The following NECTIN3 variants were observed in gnomAD, a reference collection of about 807,000 sequenced individuals.
The protein encoded by NECTIN3 is nectin-3.
In NECTIN3, 8 loss-of-function variants were observed where a neutral mutation model predicts 49.4. That is an observed-to-expected ratio of 0.16 (90% confidence interval 0.10 to 0.29). The LOEUF (loss-of-function observed/expected upper bound fraction) is 0.29, where lower values mean the gene tolerates loss of function less well. Ranked by LOEUF, NECTIN3 falls within the 10% of genes least tolerant of loss-of-function variation. The pLI, the probability that NECTIN3 is intolerant of heterozygous loss-of-function variation, is 1.00. For synonymous variants in NECTIN3, 277 were observed against 241.1 expected, an observed-to-expected ratio of 1.15 and a Z score of -1.38; for missense variants, 581 against 654.6, an observed-to-expected ratio of 0.89 and a Z score of 1.23.
chr3:111,145,847 G>A (rs1231913502), intron 6 of NECTIN3, among the ~76,000 whole-genome samples: 6 of 152,128 alleles, frequency 3.9e-5, no homozygotes, highest in East Asian at 3.8e-4. Context: ...CTTCATAAAT[G>A]CTTTGTATAT....
At chr3:111,092,009 G>C (rs1328134768) in intron 1 of NECTIN3, among the ~76,000 whole-genome samples, 1 of 152,140 alleles carries the variant, frequency 6.6e-6, no homozygotes, top group Non-Finnish European at 1.5e-5. Context: ...GTGGTGTATG[G>C]TTGTTTTAAT....
At chr3:111,146,183 C>G (rs1372133354) in intron 6 of NECTIN3, among the ~76,000 whole-genome samples, 1 of 152,046 alleles carries the variant, frequency 6.6e-6, no homozygotes, top group Non-Finnish European at 1.5e-5. Context: ...GCCTGTAATC[C>G]CAGCACTTTG....
intron 7 of NECTIN3, among the ~76,000 whole-genome samples, chr3:111,171,654 A>T (rs1484460800): frequency 6.6e-6 from 1 of 152,108 alleles, no homozygotes; most frequent in African/African-American, 2.4e-5. Context: ...TGACATTTGA[A>T]ACCTATTTAT....
rs1486687996 is a variant in NECTIN3 at position 111,118,613 on chromosome 3, T to C, written c.503-43T>C. 8 of 1,445,380 alleles carry C rather than the reference T, an allele frequency of 5.5e-6. No homozygotes were observed. The East Asian group carries it at 1.2e-4, about 22-fold the overall frequency. The allele number at this position is 1,445,380 out of a possible 1,614,324, so 89.5% of individuals were successfully genotyped here. On this transcript the variant is annotated intron_variant, in intron 2 of 5. Coordinates refer to ENST00000485303, the MANE Select transcript of NECTIN3 (RefSeq NM_015480.3). ...GTGACTTGGAAAGATATAAACATAT[T>C]CTTGTTTGAATGTAACTAATTATTA... is the stretch of plus-strand genomic sequence containing the variant.
chr3:111,155,648 T>C (rs1383432107), intron 7 of NECTIN3, among the ~76,000 whole-genome samples: 4 of 152,240 alleles, frequency 2.6e-5, no homozygotes, highest in African/African-American at 9.6e-5. Context: ...ATCAATCTAA[T>C]TTAACTTTGA....
chr3:111,190,738 G>A (rs915901140), upstream of NECTIN3, among the ~76,000 whole-genome samples: 6 of 152,146 alleles, frequency 3.9e-5, no homozygotes, highest in Non-Finnish European at 1.5e-5. Flanking sequence ...ATTGCAATTA[G>A]GTTTCAACAT....
intron 5 of NECTIN3, chr3:111,144,782 A>G: frequency 1.7e-6 from 2 of 1,203,232 alleles, no homozygotes; most frequent in South Asian, 3.3e-5. Context: ...GGGTCCTCTA[A>G]CCTGGCTCTT....
At chr3:111,102,044 C>A (rs1330593781) in intron 1 of NECTIN3, among the ~76,000 whole-genome samples, 1 of 152,086 alleles carries the variant, frequency 6.6e-6, no homozygotes, top group African/African-American at 2.4e-5. Flanking sequence ...GATACTGTCC[C>A]TTATAATTTA....
chr3:111,161,992 C>T (rs767129966), intron 7 of NECTIN3, among the ~76,000 whole-genome samples: 2 of 152,144 alleles, frequency 1.3e-5, no homozygotes, highest in African/African-American at 2.4e-5. Flanking sequence ...AATCGAGAAT[C>T]GCAACTTAGC....
chr3:111,098,603 A>ACTGGATT, intron 1 of NECTIN3, among the ~76,000 whole-genome samples: 1 of 152,328 alleles, frequency 6.6e-6, no homozygotes, highest in East Asian at 1.9e-4. Context: ...TGGATAATCC[A>ACTGGATT]GTGTCATCTC....
intron 7 of NECTIN3, among the ~76,000 whole-genome samples, chr3:111,180,362 A>T (rs2035604540): frequency 6.6e-6 from 1 of 152,228 alleles, no homozygotes; most frequent in Non-Finnish European, 1.5e-5. Context: ...AATGAGAGAC[A>T]TTCATATGAC....
chr3:111,193,562 A>C, intron 1 of NECTIN3: 1 of 644,712 alleles, frequency 1.6e-6, no homozygotes, highest in East Asian at 2.8e-5. Flanking sequence ...AGCGTTTCTT[A>C]ACCACCAGCT....
chr3:111,080,876 A>C (rs892911951), intron 1 of NECTIN3, among the ~76,000 whole-genome samples: 1 of 152,190 alleles, frequency 6.6e-6, no homozygotes, highest in African/African-American at 2.4e-5. Flanking sequence ...GCCAAGTGAT[A>C]TGATATAGTT....
chr3:111,145,460 A>G lies in NECTIN3; in HGVS notation c.1139+423A>G, dbSNP rs760928112. ...TAACTGAACTATCAAGTTATTAAATACATTGAGTTTTAAAAATTTTTTCTT... is the reference window on the plus strand; with the variant it reads ...TAACTGAACTATCAAGTTATTAAATGCATTGAGTTTTAAAAATTTTTTCTT... On this transcript the variant is annotated intron_variant, in intron 6 of 8. Coordinates refer to the NECTIN3 transcript ENST00000493615. Among the ~76,000 whole-genome samples, 59 of 152,188 alleles carry G rather than the reference A, an allele frequency of 3.9e-4. 1 individual carries two copies. The highest frequency in any genetic ancestry group is 1.2e-3 in the Admixed American group (18 of 15,280).
At chr3:111,072,513 AG>A in intron 1 of NECTIN3, 1 of 1,535,766 alleles carries the variant, frequency 6.5e-7, no homozygotes, top group Non-Finnish European at 8.7e-7. Context: ...GAACCCTCGT[AG>A]GTTAAGGTGC....
At chr3:111,154,114 A>T (rs996753505) in intron 7 of NECTIN3, among the ~76,000 whole-genome samples, 4 of 152,152 alleles carry the variant, frequency 2.6e-5, no homozygotes, top group Non-Finnish European at 5.9e-5. Context: ...AATATTGTAC[A>T]TATCCGTCAT....
chr3:111,154,370 A>G (rs1004059382), intron 7 of NECTIN3, among the ~76,000 whole-genome samples: 6 of 152,198 alleles, frequency 3.9e-5, no homozygotes, highest in African/African-American at 1.4e-4. Flanking sequence ...TTACGTAGCT[A>G]TAATATACTG....
At chr3:111,167,176 A>G (rs1662797192) in intron 7 of NECTIN3, among the ~76,000 whole-genome samples, 1 of 152,240 alleles carries the variant, frequency 6.6e-6, no homozygotes, top group Non-Finnish European at 1.5e-5. Context: ...GCAATGAGTC[A>G]AAAGATATTT....
intron 7 of NECTIN3, among the ~76,000 whole-genome samples, chr3:111,178,257 A>G (rs1416473551): frequency 6.6e-6 from 1 of 152,156 alleles, no homozygotes; most frequent in Non-Finnish European, 1.5e-5. Flanking sequence ...TTGCAAATAA[A>G]CCTCATGATA....
Sources: allele counts gnomAD v4.1 joint callset (sites outside exome capture counted in the v4.1 genomes callset), GRCh38; gene constraint gnomAD v4.1.1; transcripts MANE v1.5; gene names NCBI Gene and HGNC (gene_info 2026-07-23, HGNC 2026-07-21).